The following DSCAM variants were observed in gnomAD, a reference collection of about 807,000 sequenced individuals.
DSCAM encodes DS cell adhesion molecule.
Under a neutral mutation model 217.7 loss-of-function variants are expected in DSCAM, and 47 were observed. That is an observed-to-expected ratio of 0.22 (90% CI 0.17 to 0.28). The LOEUF is 0.28. Ranked by LOEUF, DSCAM falls within the 10% of genes least tolerant of loss-of-function variation. The pLI is 1.00. For synonymous variants in DSCAM, 1,056 were observed against 1,015.3 expected (o/e 1.04, Z -0.76); for missense variants, 2,080 against 2,618.3 (o/e 0.79, Z 4.49).
intron 3 of DSCAM, among the ~76,000 whole-genome samples, chr21:40,487,896 T>C (rs913557077): frequency 6.6e-6 from 1 of 152,160 alleles, no homozygotes; most frequent in Non-Finnish European, 1.5e-5. Flanking sequence ...GAAGAGGCCA[T>C]TGCCAGTTGA....
At chr21:40,751,506 C>T (rs2091228371) in intron 1 of DSCAM, among the ~76,000 whole-genome samples, 1 of 152,192 alleles carries the variant, frequency 6.6e-6, no homozygotes, top group South Asian at 2.1e-4. Flanking sequence ...ATGGATAAAT[C>T]TCAAAGCAAT....
rs536653870 is a variant in DSCAM at position 40,429,376 on chromosome 21, C to T, written c.509-60131G>A. Among the ~76,000 whole-genome samples, 9 of 152,076 alleles carry T rather than the reference C, an allele frequency of 5.9e-5. No homozygotes were observed. The South Asian group carries it at 1.9e-3, about 32-fold the overall frequency. On this transcript the variant is annotated intron_variant, in intron 3 of 32. Coordinates refer to ENST00000400454, the MANE Select transcript of DSCAM (RefSeq NM_001389.5). ...CTGTCTCCCGAGTTCAAGCAATTCT[C>T]CTGCCTCAGCCTCCCGAGTAGCTGG...
At chr21:40,078,594 A>G (rs956034739) in intron 26 of DSCAM, 93 bp downstream of exon 26, 185 of 1,511,596 alleles carry the variant, frequency 1.2e-4, no homozygotes, top group Middle Eastern at 7.3e-4. Context: ...TGGTCAAACT[A>G]TGGCAAAGAT....
intron 3 of DSCAM, among the ~76,000 whole-genome samples, chr21:40,478,853 A>C (rs186296091): frequency 2.6e-5 from 4 of 152,338 alleles, no homozygotes; most frequent in Admixed American, 6.5e-5. Flanking sequence ...ACAAAGTTTA[A>C]TTTATAAAAT....
intron 3 of DSCAM, among the ~76,000 whole-genome samples, chr21:40,479,751 G>A (rs965807274): frequency 6.6e-5 from 10 of 152,108 alleles, no homozygotes; most frequent in African/African-American, 2.2e-4. Flanking sequence ...TTTGGGTGGG[G>A]ACACAGCCAG....
intron 32 of DSCAM, among the ~76,000 whole-genome samples, chr21:40,021,205 C>CAAAAAAAAAAAAA (rs763435750): frequency 3.5e-5 from 3 of 85,066 alleles, no homozygotes; most frequent in African/African-American, 4.7e-5. Flanking sequence ...GACTCCGTCT[C>CAAAAAAAAAAAAA]AAAAAAAAAA....
At position 40,262,522 on chromosome 21, in the gene DSCAM, T is replaced by C. The variant is rs377664281; in HGVS notation, c.2356+13575A>G. On this transcript the variant is annotated intron_variant, in intron 11 of 32. Transcript: ENST00000400454. The stretch of plus-strand genomic sequence containing the variant: ...AACAAATCAAGACAATACCCAATCA[T>C]AGAATTACTCCCACTTTCTGGCAGC... Among the ~76,000 whole-genome samples the C allele has an allele frequency of 5.5e-4, 83 of 152,282 alleles. 4 individuals are homozygous for C. In the South Asian group the frequency reaches 0.016, roughly 30 times the overall value.
intron 8 of DSCAM, 80 bp downstream of exon 8, chr21:40,338,021 T>TA: frequency 6.5e-7 from 1 of 1,542,194 alleles, no homozygotes; most frequent in Non-Finnish European, 8.8e-7. Flanking sequence ...GATCTTGGAT[T>TA]ACCCGACTTC....
chr21:40,543,749 C>T (rs2076559683), intron 3 of DSCAM, among the ~76,000 whole-genome samples: 1 of 152,106 alleles, frequency 6.6e-6, no homozygotes, highest in Non-Finnish European at 1.5e-5. Flanking sequence ...CACCTAGCCG[C>T]CAAGCATTAC....
At chr21:40,534,014 TAAATCTGCATCTACTTTATTCC>T (rs1356976610) in intron 3 of DSCAM, among the ~76,000 whole-genome samples, 1 of 152,204 alleles carries the variant, frequency 6.6e-6, no homozygotes, top group Non-Finnish European at 1.5e-5. Context: ...ATTTACTTGA[TAAATCTGCATCTACTTTATTCC>T]TATGGAATAA....
At chr21:40,514,810 C>T (rs969566261) in intron 3 of DSCAM, among the ~76,000 whole-genome samples, 1 of 152,128 alleles carries the variant, frequency 6.6e-6, no homozygotes, top group Non-Finnish European at 1.5e-5. Flanking sequence ...CTTATCAAAT[C>T]CCACATATTC....
At chr21:40,749,811 T>A (rs767150955) in intron 1 of DSCAM, among the ~76,000 whole-genome samples, 1 of 152,204 alleles carries the variant, frequency 6.6e-6, no homozygotes, top group Non-Finnish European at 1.5e-5. Context: ...AGCTGAGAGA[T>A]GGAACTGACT....
intron 18 of DSCAM, among the ~76,000 whole-genome samples, chr21:40,140,933 GC>G (rs977808031): frequency 1.5e-4 from 6 of 41,026 alleles, no homozygotes; most frequent in South Asian, 1.8e-3. Flanking sequence ...ACCAAGGAGG[GC>G]GGGGGGGGGT....
At position 40,394,378 on chromosome 21, in the gene DSCAM, C is replaced by T. The variant is rs546506768; in HGVS notation, c.509-25133G>A. Among the ~76,000 whole-genome samples, 11 of 152,334 alleles carry T rather than the reference C, an allele frequency of 7.2e-5. No individual in the cohort carries two copies. In the East Asian group the frequency reaches 2.1e-3, roughly 29 times the overall value. ...ATCTAGGCTTGCCTGACTCCCAATGCCACATTCTTTCTTCCACATCAGACC... is the reference window on the plus strand; with the variant it reads ...ATCTAGGCTTGCCTGACTCCCAATGTCACATTCTTTCTTCCACATCAGACC... On this transcript the variant is annotated intron_variant, in intron 3 of 32. Transcript: ENST00000400454.
At chr21:40,684,374 G>A (rs1178293151) in intron 3 of DSCAM, among the ~76,000 whole-genome samples, 2 of 152,224 alleles carry the variant, frequency 1.3e-5, no homozygotes, top group African/African-American at 4.8e-5. Flanking sequence ...GCTGAGGAGA[G>A]AGGAAGTCTG....
At chr21:40,545,529 G>A (rs2076575139) in intron 3 of DSCAM, among the ~76,000 whole-genome samples, 1 of 152,084 alleles carries the variant, frequency 6.6e-6, no homozygotes, top group Admixed American at 6.5e-5. Flanking sequence ...AATGTCATGG[G>A]AAACCAGACA....
intron 3 of DSCAM, among the ~76,000 whole-genome samples, chr21:40,641,171 G>A (rs991923212): frequency 4.1e-4 from 63 of 152,086 alleles, no homozygotes; most frequent in African/African-American, 1.5e-3. Context: ...ATATGCAAGG[G>A]TTTTTCTAAT....
intron 11 of DSCAM, among the ~76,000 whole-genome samples, chr21:40,236,751 G>T (rs1310462003): frequency 6.6e-6 from 1 of 152,062 alleles, no homozygotes; most frequent in African/African-American, 2.4e-5. Flanking sequence ...AAACAGCTTG[G>T]GACCATGACT....
At chr21:40,063,787 G>A (rs1003009378) in intron 27 of DSCAM, among the ~76,000 whole-genome samples, 6 of 152,170 alleles carry the variant, frequency 3.9e-5, no homozygotes, top group African/African-American at 1.4e-4. Flanking sequence ...ACAATTAAAC[G>A]TAGTCAGTTT....
Sources: allele counts gnomAD v4.1 joint callset (sites outside exome capture counted in the v4.1 genomes callset), GRCh38; gene constraint gnomAD v4.1.1; transcripts MANE v1.5; gene names NCBI Gene and HGNC (gene_info 2026-07-23, HGNC 2026-07-21).